Variants in PRRX1 observed in about 807,000 individuals in gnomAD.
The protein encoded by PRRX1 is paired mesoderm homeobox protein 1.
In PRRX1, 8 loss-of-function variants were observed where a neutral mutation model predicts 24.0. That is an observed-to-expected ratio of 0.33 (90% CI 0.20 to 0.60). PRRX1 has a LOEUF of 0.60. Among genes scored for constraint, PRRX1 ranks in the 20% least tolerant of loss-of-function variants. The pLI is 0.82. For missense variants in PRRX1, 281 were observed against 322.4 expected, an observed-to-expected ratio of 0.87 and a Z score of 0.98; for synonymous variants, 160 against 131.7, an observed-to-expected ratio of 1.22 and a Z score of -1.47.
chr1:170,663,999 C>G, upstream of PRRX1: 2 of 553,718 alleles, frequency 3.6e-6, no homozygotes, highest in Non-Finnish European at 6.3e-6. Context: ...GCGGCTGGTG[C>G]ACAACGCTCT....
At chr1:170,664,099 C>G (rs1652823364), upstream of PRRX1, 2 of 1,033,236 alleles carry the variant, frequency 1.9e-6, no homozygotes, top group South Asian at 1.7e-5. Context: ...CTCTCTCTCT[C>G]TCTCTCTCCA....
intron 3 of PRRX1, among the ~76,000 whole-genome samples, chr1:170,729,759 A>G (rs1379472442): frequency 6.6e-6 from 1 of 152,234 alleles, no homozygotes; most frequent in African/African-American, 2.4e-5. Context: ...AGCATTCCCT[A>G]TCACGGACAC....
chr1:170,726,336 C>T lies in PRRX1; in HGVS notation c.534C>T (p.Pro178=), dbSNP rs1558062507. The change falls in exon 3 of 4, where the codon CCC becomes CCT. Residue 178 remains proline (P), a synonymous_variant. Coordinates refer to ENST00000239461, the MANE Select transcript of PRRX1 (RefSeq NM_022716.4). Reference sequence around the variant, plus strand: ...GAGACGTGACTGCTGTGGAGCAGCCCATCGTACCTCGTCCTGCTCCGAGAC... The same window carrying T: ...GAGACGTGACTGCTGTGGAGCAGCCTATCGTACCTCGTCCTGCTCCGAGAC... The part of the protein sequence containing the change: ...YSGDVTAVEQ[P]IVPRPAPRPT... 1 of 1,614,098 alleles carries T rather than the reference C, an allele frequency of 6.2e-7. No homozygotes were observed. Among genetic ancestry groups the T allele is most frequent in the Admixed American group, 1.7e-5 (1 of 60,016 alleles).
intron 1 of PRRX1, among the ~76,000 whole-genome samples, chr1:170,690,645 A>G (rs917254099): frequency 2.0e-5 from 3 of 152,060 alleles, no homozygotes; most frequent in Admixed American, 1.3e-4. Flanking sequence ...TTCCTCCTAT[A>G]TATGAGAATT....
intron 1 of PRRX1, among the ~76,000 whole-genome samples, chr1:170,718,994 T>G (rs1490887525): frequency 6.6e-6 from 1 of 152,194 alleles, no homozygotes; most frequent in Non-Finnish European, 1.5e-5. Context: ...AACTCAAGTT[T>G]GAGTGAAACA....
intron 1 of PRRX1, among the ~76,000 whole-genome samples, chr1:170,681,274 A>C (rs1264968009): frequency 6.6e-6 from 1 of 152,174 alleles, no homozygotes; most frequent in Non-Finnish European, 1.5e-5. Flanking sequence ...CCTCAAAGTT[A>C]GTTATTGACA....
chr1:170,725,200 T>C (rs1038810258), intron 2 of PRRX1, among the ~76,000 whole-genome samples: 1 of 152,202 alleles, frequency 6.6e-6, no homozygotes, highest in Non-Finnish European at 1.5e-5. Context: ...TAGGGTTTTC[T>C]AGATACAGGA....
At chr1:170,681,119 C>G (rs1214524977) in intron 1 of PRRX1, among the ~76,000 whole-genome samples, 1 of 152,096 alleles carries the variant, frequency 6.6e-6, no homozygotes, top group East Asian at 1.9e-4. Context: ...TATTGAGTAC[C>G]ATAATGGATC....
chr1:170,717,818 T>A (rs1011060355), intron 1 of PRRX1, among the ~76,000 whole-genome samples: 1 of 152,236 alleles, frequency 6.6e-6, no homozygotes, highest in African/African-American at 2.4e-5. Context: ...CCTAGGTGTT[T>A]GAATTCTAGT....
intron 1 of PRRX1, among the ~76,000 whole-genome samples, chr1:170,696,491 A>G (rs1161267641): frequency 1.3e-5 from 2 of 152,186 alleles, no homozygotes; most frequent in African/African-American, 4.8e-5. Context: ...GAAGTCGTTT[A>G]TAAGTAAAAA....
At chr1:170,729,705 G>C (rs1301485907) in intron 3 of PRRX1, among the ~76,000 whole-genome samples, 1 of 152,174 alleles carries the variant, frequency 6.6e-6, no homozygotes, top group Non-Finnish European at 1.5e-5. Flanking sequence ...GAGCATGTTA[G>C]AGGTGATGAC....
chr1:170,690,695 G>A (rs1275799447), intron 1 of PRRX1, among the ~76,000 whole-genome samples: 27 of 89,302 alleles, frequency 3.0e-4, no homozygotes, highest in Non-Finnish European at 2.9e-5. Context: ...TAGACTTTAA[G>A]TATTCAAATG....
intron 3 of PRRX1, among the ~76,000 whole-genome samples, chr1:170,731,406 C>T (rs968556324): frequency 6.6e-6 from 1 of 152,152 alleles, no homozygotes; most frequent in Non-Finnish European, 1.5e-5. Context: ...TTGTAAACAT[C>T]TTGTCATCAT....
At position 170,737,968 on chromosome 1, in the gene PRRX1, A is replaced by T; in HGVS notation, c.*1782A>T. On this transcript the variant is annotated 3_prime_UTR_variant, in exon 4 of 4. Transcript: ENST00000239461. ...GTACCTGAAAGCCTTGTTTTCTAGT[A>T]AGAAAATGCTACCTTGCTGTACATA... 1 of 218,386 alleles carries T rather than the reference A, an allele frequency of 4.6e-6. No homozygotes were observed. Among genetic ancestry groups the T allele is most frequent in the Non-Finnish European group, 9.2e-6 (1 of 108,374 alleles). 13.5% of individuals were successfully genotyped at this position (218,386 alleles called of 1,614,324 possible). A position where few individuals can be genotyped will look rare whatever the true frequency, so the allele number is the denominator to read the frequency against.
Position 170,726,315 on chromosome 1 carries a change from C to G in PRRX1, c.513C>G (p.Asp171Glu), listed in dbSNP as rs374262561. 3 of 1,613,934 alleles carry G rather than the reference C, an allele frequency of 1.9e-6. No homozygotes were observed. The highest frequency in any genetic ancestry group is 2.5e-6 in the Non-Finnish European group (3 of 1,179,950). Residue 171 changes from aspartate (D) to glutamate (E), a missense_variant, in exon 3 of 4, where the codon GAC becomes GAG. Transcript: ENST00000239461. ...NASLLKSYSGDVTAVEQPIVP... is the reference protein window; with the variant it reads ...NASLLKSYSGEVTAVEQPIVP... ...CCCTCCTCAAATCCTACTCAGGAGA[C>G]GTGACTGCTGTGGAGCAGCCCATCG...
At chr1:170,721,408 C>T (rs1000338010) in intron 2 of PRRX1, among the ~76,000 whole-genome samples, 1 of 152,064 alleles carries the variant, frequency 6.6e-6, no homozygotes, top group Non-Finnish European at 1.5e-5. Context: ...GATTCCTAGC[C>T]CATCGATTAG....
chr1:170,728,486 A>C (rs1029318294), intron 3 of PRRX1: 1 of 152,164 alleles, frequency 6.6e-6, no homozygotes, highest in Non-Finnish European at 1.5e-5. Context: ...TTTAGTGTAT[A>C]TATTATTTTG....
At chr1:170,724,025 C>T (rs931194242) in intron 2 of PRRX1, among the ~76,000 whole-genome samples, 8 of 152,222 alleles carry the variant, frequency 5.3e-5, no homozygotes, top group East Asian at 3.9e-4. Flanking sequence ...AAACCTAATA[C>T]GTGGAATTGT....
chr1:170,664,112 AC>A, upstream of PRRX1: 2 of 584,146 alleles, frequency 3.4e-6, no homozygotes, highest in Non-Finnish European at 5.0e-6. Flanking sequence ...TCTCTCCACT[AC>A]CCCCCTCTTT....
Sources: allele counts gnomAD v4.1 joint callset (sites outside exome capture counted in the v4.1 genomes callset), GRCh38; gene constraint gnomAD v4.1.1; transcripts MANE v1.5; gene names NCBI Gene and HGNC (gene_info 2026-07-23, HGNC 2026-07-21).